The following MALAT1 variants were observed in gnomAD, a reference collection of about 807,000 sequenced individuals.
MALAT1 encodes the protein hepcarcin.
At chr11:65,503,800 G>A (rs373944919) in exon 3 of MALAT1, 4 of 515,600 alleles carry the variant, frequency 7.8e-6, no homozygotes, top group African/African-American at 3.9e-5. Flanking sequence ...TAACTTTAAG[G>A]CAGGAAAGAC....
exon 3 of MALAT1, chr11:65,502,476 A>G (rs745345525): frequency 4.0e-6 from 2 of 496,148 alleles, no homozygotes; most frequent in Admixed American, 2.3e-5. Flanking sequence ...ACTGCAAAAC[A>G]AGATGTTAAG....
intron 3 of MALAT1, chr11:65,504,884 C>G (rs990168006): frequency 7.5e-5 from 39 of 518,720 alleles, no homozygotes; most frequent in Admixed American, 7.0e-4. Context: ...AAAAAATAGC[C>G]TATTTACTTT....
At chr11:65,498,710 G>C (rs753515362) in exon 2 of MALAT1, 2 of 518,620 alleles carry the variant, frequency 3.9e-6, no homozygotes, top group Non-Finnish European at 7.7e-6. Flanking sequence ...TGTCCCTCAA[G>C]AGAACACAAG....
intron 1 of MALAT1, chr11:65,498,522 A>G (rs1333672617): frequency 1.9e-6 from 1 of 517,210 alleles, no homozygotes; most frequent in Non-Finnish European, 3.9e-6. Context: ...CAAAAAAGCA[A>G]AACGTGTGGC....
intron 1 of MALAT1, chr11:65,498,132 G>A (rs773640917): frequency 7.7e-6 from 4 of 518,828 alleles, no homozygotes; most frequent in Non-Finnish European, 1.5e-5. Context: ...TAAAAAAGCA[G>A]ACCCAGAGCA....
chr11:65,500,843 T>G (rs1854529756), exon 3 of MALAT1: 1 of 518,774 alleles, frequency 1.9e-6, no homozygotes, highest in Non-Finnish European at 3.8e-6. Flanking sequence ...TCTAATATAA[T>G]GGGGGAGTTT....
intron 3 of MALAT1, chr11:65,505,196 A>G (rs1158764057): frequency 1.9e-6 from 1 of 518,772 alleles, no homozygotes; most frequent in Admixed American, 1.9e-5. Context: ...GGTACCCCTC[A>G]CTAAAGGCAC....
intron 3 of MALAT1, chr11:65,504,067 C>T (rs1230913149): frequency 9.7e-6 from 5 of 517,900 alleles, no homozygotes; most frequent in Non-Finnish European, 1.9e-5. Flanking sequence ...CAATGTTTTA[C>T]ACTATTGACC....
intron 1 of MALAT1, chr11:65,498,198 G>A (rs770781752): frequency 3.9e-5 from 20 of 518,750 alleles, no homozygotes; most frequent in African/African-American, 3.3e-4. Context: ...CTGTGTCTTC[G>A]GAGACAAAGC....
chr11:65,500,599 G>A, exon 3 of MALAT1: 1 of 518,954 alleles, frequency 1.9e-6, no homozygotes, highest in South Asian at 1.4e-5. Flanking sequence ...ATTTGGTGGT[G>A]AAGCTAGGAA....
At chr11:65,501,475 C>T (rs780106896) in exon 3 of MALAT1, 1 of 515,294 alleles carries the variant, frequency 1.9e-6, no homozygotes, top group Admixed American at 2.0e-5. Context: ...CTTAATCAGA[C>T]TTTAAAAGTG....
exon 3 of MALAT1, chr11:65,499,955 T>C (rs779840679): frequency 2.6e-5 from 11 of 430,062 alleles, no homozygotes; most frequent in Admixed American, 5.8e-5. Flanking sequence ...TAGAAAAATA[T>C]AAAGCCAAAA....
chr11:65,502,418 G>A, exon 3 of MALAT1: 1 of 503,518 alleles, frequency 2.0e-6, no homozygotes, highest in South Asian at 1.5e-5. Context: ...TCAGTTGTGT[G>A]TAAGCAAGTT....
exon 3 of MALAT1, chr11:65,503,594 C>G: frequency 2.0e-6 from 1 of 509,888 alleles, no homozygotes; most frequent in Non-Finnish European, 3.9e-6. Context: ...ACCATTAAAT[C>G]ATTCAAAATA....
exon 3 of MALAT1, chr11:65,502,850 C>CAA: frequency 2.0e-6 from 1 of 499,494 alleles, no homozygotes; most frequent in African/African-American, 1.9e-5. Context: ...TGAAAGCTAC[C>CAA]AATTTAAAGT....
chr11:65,505,483 C>G (rs764430945), intron 3 of MALAT1: 1 of 512,686 alleles, frequency 2.0e-6, no homozygotes, highest in South Asian at 1.4e-5. Context: ...AGGGGGAAAG[C>G]GGGCAACCAC....
chr11:65,502,137 C>T (rs117494774), exon 3 of MALAT1: 458 of 516,792 alleles, frequency 8.9e-4, no homozygotes, highest in Non-Finnish European at 1.6e-3. Context: ...GATACTGTAT[C>T]TGTTTTCCTT....
rs545784568 is a variant in MALAT1, at chr11:65,500,366, C to T, written n.1629C>T. On this transcript the variant is annotated non_coding_transcript_exon_variant, in exon 3 of 4. Transcript: ENST00000619449. ...TTGAGTTAAGATTATTTTTTAAATC[C>T]TGAGGACTAGCATTAATTGACAGCT... is the stretch of plus-strand genomic sequence containing the variant. The T allele has an allele frequency of 9.6e-6, 5 of 518,702 alleles. 1 individual carries two copies. The highest frequency in any genetic ancestry group is 5.6e-5 in the South Asian group (4 of 71,516). 32.1% of individuals were successfully genotyped at this position (518,702 alleles called of 1,614,324 possible).
At chr11:65,499,908 AAAC>A (rs1289438493) in exon 3 of MALAT1, 1 of 428,720 alleles carries the variant, frequency 2.3e-6, no homozygotes, top group East Asian at 7.1e-5. Context: ...AGAAAATGAA[AAAC>A]AAGCTAAGAC....
Sources: allele counts gnomAD v4.1 joint callset, GRCh38; gene constraint gnomAD v4.1.1; transcripts MANE v1.5; gene names NCBI Gene and HGNC (gene_info 2026-07-23, HGNC 2026-07-21).